COL14A1: variants seen among roughly 807,000 people sequenced by gnomAD.
The protein encoded by COL14A1 is collagen type XIV alpha 1 chain, also known as collagen alpha-1(XIV) chain.
Under a neutral mutation model 230.3 loss-of-function variants are expected in COL14A1, and 136 were observed. That is an observed-to-expected ratio of 0.59 (90% CI 0.51 to 0.68). The LOEUF (loss-of-function observed/expected upper bound fraction) is 0.68, where lower values mean the gene tolerates loss of function less well. Among genes scored for constraint, COL14A1 ranks in the 30% least tolerant of loss-of-function variants. COL14A1 has a pLI of 0.00. For missense variants in COL14A1, 1,976 were observed against 2,215.8 expected, an observed-to-expected ratio of 0.89 and a Z score of 2.17; for synonymous variants, 792 against 784.1, an observed-to-expected ratio of 1.01 and a Z score of -0.17.
rs770454652 is a variant in COL14A1 at position 120,158,246 on chromosome 8, G to C, written c.205G>C (p.Gly69Arg). The C allele has an allele frequency of 1.3e-6, 2 of 1,545,582 alleles. No homozygotes were observed. The highest frequency in any genetic ancestry group is 1.8e-6 in the Non-Finnish European group (2 of 1,119,834). Reference protein sequence around the residue: ...GYKLLVTPTSGGKTNQLNLQN... With the variant: ...GYKLLVTPTSRGKTNQLNLQN... The stretch of plus-strand genomic sequence containing the variant: ...CAAACTTCTTGTGACTCCAACTTCA[G>C]GTAAAAACAATTGACTTTGTTTTGT... Residue 69 changes from glycine to arginine, a missense_variant and splice_region_variant, in exon 3 of 48, where the codon GGT becomes CGT. By Grantham distance (125) the Gly-to-Arg change is moderately radical (BLOSUM62 -2). This residue lies in a region of COL14A1 where 181 missense variants were observed against 178.6 expected (regional missense o/e 1.01). Transcript: ENST00000297848.
At chr8:120,286,272 A>G (rs928577954) in intron 33 of COL14A1, among the ~76,000 whole-genome samples, 1 of 152,086 alleles carries the variant, frequency 6.6e-6, no homozygotes, top group African/African-American at 2.4e-5. Flanking sequence ...CATTTGCTAC[A>G]TTAGGTGCGA....
At chr8:120,134,936 C>G (rs1291424923) in intron 1 of COL14A1, among the ~76,000 whole-genome samples, 1 of 152,214 alleles carries the variant, frequency 6.6e-6, no homozygotes, top group Non-Finnish European at 1.5e-5. Context: ...GATTGCACCA[C>G]TGCACTCCAG....
At position 120,332,714 on chromosome 8, in the gene COL14A1, G is replaced by A. The variant is rs561295242; in HGVS notation, c.4764G>A (p.Pro1588=). The change falls in exon 42 of 48, where the codon CCG becomes CCA. Residue 1588 remains proline, a synonymous_variant. Transcript: ENST00000297848. ...GVPGITGSMG[P]QGALGPPGVP... ...CAGGGATCACAGGAAGCATGGGACC[G>A]CAAGGCGCCCTGGGACCACCTGTGA... The A allele has an allele frequency of 2.5e-5, 40 of 1,613,008 alleles. 1 individual carries two copies. Among genetic ancestry groups the A allele is most frequent in the African/African-American group, 1.9e-4 (14 of 75,050 alleles).
chr8:120,343,441 T>C (rs1350604760), intron 44 of COL14A1, among the ~76,000 whole-genome samples: 1 of 152,220 alleles, frequency 6.6e-6, no homozygotes, highest in Non-Finnish European at 1.5e-5. Flanking sequence ...CCCTGCAATA[T>C]CTAAGACAGC....
At chr8:120,169,187 T>C (rs1053963675) in intron 5 of COL14A1, among the ~76,000 whole-genome samples, 2 of 152,152 alleles carry the variant, frequency 1.3e-5, no homozygotes, top group African/African-American at 4.8e-5. Flanking sequence ...CATTTAATGT[T>C]GTCTAATTTT....
chr8:120,297,430 T>C, intron 34 of COL14A1, 81 bp from the exon 35 acceptor site: 1 of 670,212 alleles, frequency 1.5e-6, no homozygotes, highest in Non-Finnish European at 2.2e-6. Flanking sequence ...GGTATTCTGT[T>C]ATATAATACA....
chr8:120,240,838 TA>T (rs977052897), intron 19 of COL14A1, among the ~76,000 whole-genome samples: 8 of 152,104 alleles, frequency 5.3e-5, no homozygotes, highest in Admixed American at 3.3e-4. Context: ...ACTTCTAGGT[TA>T]AAAAAAACCC....
intron 44 of COL14A1, among the ~76,000 whole-genome samples, chr8:120,344,230 T>C (rs1052972215): frequency 6.6e-6 from 1 of 152,236 alleles, no homozygotes; most frequent in East Asian, 1.9e-4. Flanking sequence ...GTATTTCTGG[T>C]ACCTCAACCA....
At chr8:120,283,191 A>G (rs1398955906) in intron 31 of COL14A1, among the ~76,000 whole-genome samples, 2 of 152,174 alleles carry the variant, frequency 1.3e-5, no homozygotes, top group Non-Finnish European at 2.9e-5. Context: ...TGCAACACAG[A>G]TGGGAATGCA....
intron 19 of COL14A1, among the ~76,000 whole-genome samples, chr8:120,232,808 A>G (rs1818318364): frequency 6.6e-6 from 1 of 152,168 alleles, no homozygotes; most frequent in African/African-American, 2.4e-5. Context: ...GTCAAATGGT[A>G]TTTCTAGTTC....
At position 120,170,214 on chromosome 8, in the gene COL14A1, A is replaced by G. The variant is rs75216132; in HGVS notation, c.436+1967A>G. Among the ~76,000 whole-genome samples the G allele has an allele frequency of 8.7e-4, 132 of 151,644 alleles. 2 individuals are homozygous for G. In the East Asian group the frequency reaches 0.024, roughly 27 times the overall value. ...TTATATCTAATACTTACTTCATTGT[A>G]TTTTCTTTTTTCTAACATCCAGAGT... On this transcript the variant is annotated intron_variant, in intron 5 of 47. Transcript: ENST00000297848.
intron 40 of COL14A1, among the ~76,000 whole-genome samples, chr8:120,320,357 A>G (rs2130140767): frequency 1.3e-5 from 2 of 152,332 alleles, no homozygotes; most frequent in Admixed American, 1.3e-4. Flanking sequence ...GAAGAAATAC[A>G]AAAATTCTTT....
chr8:120,358,588 G>A (rs1823071287), intron 45 of COL14A1, among the ~76,000 whole-genome samples: 1 of 151,404 alleles, frequency 6.6e-6, no homozygotes, highest in Non-Finnish European at 1.5e-5. Context: ...CTTTCAAGTC[G>A]TCATCGTGTA....
At chr8:120,323,043 TC>T (rs1368749360) in intron 40 of COL14A1, among the ~76,000 whole-genome samples, 4 of 152,230 alleles carry the variant, frequency 2.6e-5, no homozygotes, top group African/African-American at 9.6e-5. Context: ...TTCCTTTTTC[TC>T]CACAACTTCT....
At chr8:120,211,953 T>C (rs556755185) in intron 12 of COL14A1, among the ~76,000 whole-genome samples, 15 of 152,230 alleles carry the variant, frequency 9.9e-5, no homozygotes, top group African/African-American at 1.4e-4. Flanking sequence ...TTCAACTGCG[T>C]GGATTCTCTT....
At chr8:120,219,199 C>T (rs1397708198) in intron 14 of COL14A1, among the ~76,000 whole-genome samples, 1 of 152,078 alleles carries the variant, frequency 6.6e-6, no homozygotes, top group African/African-American at 2.4e-5. Context: ...TCACTGCATC[C>T]TCGACCTTGC....
In COL14A1 at chr8:120,136,545, T is replaced by G. The variant is rs144827601; in HGVS notation, c.-38+11205T>G. On this transcript the variant is annotated intron_variant, in intron 1 of 47. Coordinates refer to ENST00000297848, the MANE Select transcript of COL14A1 (RefSeq NM_021110.4). ...TGTAATAAGCTCTACTTGGTCATCA[T>G]TATTATTATTTTTTACATTGTTAAA... Among the ~76,000 whole-genome samples, 6 of 152,310 alleles carry G rather than the reference T, an allele frequency of 3.9e-5. No homozygotes were observed. The East Asian group carries it at 1.2e-3, about 29-fold the overall frequency.
In COL14A1 at chr8:120,241,902, C is replaced by G. The variant is rs1586796863; in HGVS notation, c.2350-1977C>G. ...GTGGTAGTGAAGATTAAGTGAATTACAGATTGAGAATTCCTAATCATAAAA... is the reference window on the plus strand; with the variant it reads ...GTGGTAGTGAAGATTAAGTGAATTAGAGATTGAGAATTCCTAATCATAAAA... On this transcript the variant is annotated intron_variant, in intron 19 of 47. Transcript: ENST00000297848. Among the ~76,000 whole-genome samples the G allele has an allele frequency of 2.0e-5, 3 of 152,162 alleles. No individual in the cohort carries two copies. The South Asian group carries it at 6.2e-4, about 32-fold the overall frequency.
intron 45 of COL14A1, among the ~76,000 whole-genome samples, chr8:120,356,756 G>A (rs1823003102): frequency 6.6e-6 from 1 of 151,634 alleles, no homozygotes; most frequent in Non-Finnish European, 1.5e-5. Flanking sequence ...TGAAATACAT[G>A]TTGCCTTCTT....
Sources: allele counts gnomAD v4.1 joint callset (sites outside exome capture counted in the v4.1 genomes callset), GRCh38; gene constraint gnomAD v4.1.1; regional missense constraint gnomAD v4.1.1; transcripts MANE v1.5; gene names NCBI Gene and HGNC (gene_info 2026-07-23, HGNC 2026-07-21).